Variants in FMNL2 observed in about 807,000 individuals in gnomAD.
FMNL2 encodes formin like 2.
A neutral mutation model predicts 130.2 loss-of-function variants in FMNL2; 51 were observed. That is an observed-to-expected ratio of 0.39 (90% CI 0.31 to 0.49). The LOEUF (loss-of-function observed/expected upper bound fraction) is 0.49, where lower values mean the gene tolerates loss of function less well. Ranked by LOEUF, FMNL2 falls within the 20% of genes least tolerant of loss-of-function variation. FMNL2 has a pLI of 0.85. For missense variants in FMNL2, 977 were observed against 1,316.2 expected, an observed-to-expected ratio of 0.74 and a Z score of 3.99; for synonymous variants, 465 against 467.1, an observed-to-expected ratio of 1.00 and a Z score of 0.06.
chr2:152,435,453 T>C (rs1687701131), intron 1 of FMNL2, among the ~76,000 whole-genome samples: 1 of 152,228 alleles, frequency 6.6e-6, no homozygotes, highest in Admixed American at 6.5e-5. Flanking sequence ...CTGTCACTTA[T>C]GCTTAAGATT....
intron 10 of FMNL2, among the ~76,000 whole-genome samples, chr2:152,608,539 T>C (rs1698509897): frequency 2.7e-5 from 4 of 148,638 alleles, no homozygotes; most frequent in South Asian, 2.1e-4. Context: ...ATATATACTT[T>C]ATATATATAC....
intron 1 of FMNL2, among the ~76,000 whole-genome samples, chr2:152,418,261 G>T: frequency 6.6e-6 from 1 of 151,592 alleles, no homozygotes. Context: ...TCATTTTTTG[G>T]CCACGTTTTT....
chr2:152,489,212 A>G (rs929382648), intron 1 of FMNL2, among the ~76,000 whole-genome samples: 1 of 150,950 alleles, frequency 6.6e-6, no homozygotes. Context: ...GTTAGCAGAA[A>G]GGGTAAAACA....
At chr2:152,402,779 T>C (rs557968209) in intron 1 of FMNL2, among the ~76,000 whole-genome samples, 1 of 152,368 alleles carries the variant, frequency 6.6e-6, no homozygotes, top group Admixed American at 6.5e-5. Flanking sequence ...CCCATTATTA[T>C]CTTAAGTTAG....
At chr2:152,608,535 A>G (rs1489015779) in intron 10 of FMNL2, among the ~76,000 whole-genome samples, 3 of 148,630 alleles carry the variant, frequency 2.0e-5, no homozygotes, top group Non-Finnish European at 3.0e-5. Context: ...ATATATATAT[A>G]CTTTATATAT....
intron 9 of FMNL2, among the ~76,000 whole-genome samples, chr2:152,584,836 A>G (rs1442404539): frequency 6.6e-6 from 1 of 152,176 alleles, no homozygotes; most frequent in African/African-American, 2.4e-5. Flanking sequence ...TCCTTAAAAA[A>G]TCTTGCTACA....
At chr2:152,628,222 C>T (rs545036688) in intron 17 of FMNL2, 77 bp from the exon 18 acceptor site, 13 of 1,258,582 alleles carry the variant, frequency 1.0e-5, no homozygotes, top group Non-Finnish European at 1.5e-5. Context: ...ATGGATGAAC[C>T]TGAAAAGATG....
At chr2:152,464,878 T>G (rs1375955869) in intron 1 of FMNL2, among the ~76,000 whole-genome samples, 3 of 152,108 alleles carry the variant, frequency 2.0e-5, no homozygotes, top group African/African-American at 7.2e-5. Context: ...TACCAAAAAA[T>G]TGCCCTAATC....
chr2:152,552,398 G>A (rs2105548056), intron 4 of FMNL2, among the ~76,000 whole-genome samples: 1 of 152,152 alleles, frequency 6.6e-6, no homozygotes, highest in Non-Finnish European at 1.5e-5. Flanking sequence ...ATGATACCCA[G>A]AAATTAAAAA....
intron 24 of FMNL2, 24 bp from the exon 25 acceptor site, chr2:152,640,767 A>T (rs1333118605): frequency 4.3e-6 from 7 of 1,610,152 alleles, no homozygotes; most frequent in Non-Finnish European, 5.9e-6. Context: ...GGCCTCACTA[A>T]TCTCTGCCCT....
At chr2:152,622,109 A>C (rs988508646) in intron 15 of FMNL2, among the ~76,000 whole-genome samples, 6 of 152,202 alleles carry the variant, frequency 3.9e-5, no homozygotes, top group Admixed American at 3.9e-4. Flanking sequence ...GTGATAGAAC[A>C]ACCTGGCTCC....
chr2:152,534,960 C>G (rs953457757), intron 2 of FMNL2, among the ~76,000 whole-genome samples: 1 of 152,148 alleles, frequency 6.6e-6, no homozygotes, highest in Non-Finnish European at 1.5e-5. Context: ...TTTTGAGGCT[C>G]TCCAAGAAAC....
chr2:152,610,231 T>C lies in FMNL2; in HGVS notation c.952-1264T>C, dbSNP rs1486278128. ...CTTCTTTAAAAAATGTTCTTTGTAA[T>C]AATTTTCACATTTTGTACAACATAA... On this transcript the variant is annotated intron_variant, in intron 10 of 25. Coordinates refer to ENST00000288670, the MANE Select transcript of FMNL2 (RefSeq NM_052905.4). Among the ~76,000 whole-genome samples the C allele has an allele frequency of 3.3e-5, 5 of 151,920 alleles. No individual in the cohort carries two copies. The South Asian group carries it at 1.0e-3, about 31-fold the overall frequency.
chr2:152,462,348 A>G (rs1689297006), intron 1 of FMNL2, among the ~76,000 whole-genome samples: 1 of 152,210 alleles, frequency 6.6e-6, no homozygotes, highest in Non-Finnish European at 1.5e-5. Context: ...CATTAGGAGA[A>G]TAGCTTAGAC....
In FMNL2 at chr2:152,611,532, C is replaced by T; in HGVS notation, c.989C>T (p.Ser330Leu). 6.2e-7 allele frequency: 1 copy of T among 1,600,302 alleles called. No homozygotes were observed. Among genetic ancestry groups the T allele is most frequent in the Non-Finnish European group, 8.5e-7 (1 of 1,172,232 alleles). ...CAGTTTATTAATATTGTAGTCCATT[C>T]AGTAGAAGATATGAATTTCAGAGTT... is the stretch of plus-strand genomic sequence containing the variant. ...SMQFINIVVHSVEDMNFRVHL... is the reference protein window; with the variant it reads ...SMQFINIVVHLVEDMNFRVHL... The change falls in exon 11 of 26, where the codon TCA (serine) becomes TTA (leucine). Residue 330 changes from serine to leucine, a missense_variant. Coordinates refer to ENST00000288670, the MANE Select transcript of FMNL2 (RefSeq NM_052905.4).
At chr2:152,553,859 G>A (rs1293239997) in intron 4 of FMNL2, among the ~76,000 whole-genome samples, 1 of 151,980 alleles carries the variant, frequency 6.6e-6, no homozygotes, top group Non-Finnish European at 1.5e-5. Context: ...AATCTCCTTA[G>A]CATCTGGTTA....
intron 1 of FMNL2, among the ~76,000 whole-genome samples, chr2:152,356,990 C>T (rs143491011): frequency 8.1e-5 from 12 of 148,082 alleles, no homozygotes; most frequent in South Asian, 4.2e-4. Context: ...TAATATATAA[C>T]GATAAATATT....
intron 2 of FMNL2, among the ~76,000 whole-genome samples, chr2:152,526,586 C>T (rs1226654292): frequency 6.6e-6 from 1 of 152,142 alleles, no homozygotes; most frequent in Non-Finnish European, 1.5e-5. Context: ...GACATGCTTC[C>T]TGTACTTAAT....
At chr2:152,577,088 C>A (rs958532991) in intron 7 of FMNL2, among the ~76,000 whole-genome samples, 3 of 152,060 alleles carry the variant, frequency 2.0e-5, no homozygotes, top group Non-Finnish European at 2.9e-5. Context: ...GGGGGTAGAC[C>A]ATTTAGGAGG....
Sources: allele counts gnomAD v4.1 joint callset (sites outside exome capture counted in the v4.1 genomes callset), GRCh38; gene constraint gnomAD v4.1.1; transcripts MANE v1.5; gene names NCBI Gene and HGNC (gene_info 2026-07-23, HGNC 2026-07-21).